Variants in NALF1 observed in about 807,000 individuals in gnomAD.
The protein encoded by NALF1 is NALCN channel auxiliary factor 1, also known as family with sequence similarity 155 member A.
In NALF1, 3 loss-of-function variants were observed where a neutral mutation model predicts 48.4. That is an observed-to-expected ratio of 0.06 (90% CI 0.03 to 0.16). NALF1 has a LOEUF of 0.16. Among genes scored for constraint, NALF1 ranks in the 10% least tolerant of loss-of-function variants. The pLI is 1.00. For missense variants in NALF1, 526 were observed against 571.5 expected, an observed-to-expected ratio of 0.92 and a Z score of 0.81; for synonymous variants, 262 against 245.7, an observed-to-expected ratio of 1.07 and a Z score of -0.62.
At chr13:107,408,072 T>C (rs1883930058) in intron 1 of NALF1, among the ~76,000 whole-genome samples, 1 of 151,906 alleles carries the variant, frequency 6.6e-6, no homozygotes, top group Admixed American at 6.6e-5. Flanking sequence ...ATTGAACTCA[T>C]GGAGATAGAC....
intron 1 of NALF1, among the ~76,000 whole-genome samples, chr13:107,851,991 G>A (rs963359131): frequency 2.0e-5 from 3 of 150,570 alleles, no homozygotes; most frequent in African/African-American, 4.9e-5. Context: ...TTTAATTTGG[G>A]GGGTGTCATT....
At chr13:107,625,902 G>A (rs1453975370) in intron 1 of NALF1, among the ~76,000 whole-genome samples, 22 of 151,986 alleles carry the variant, frequency 1.4e-4, no homozygotes, top group Admixed American at 1.2e-3. Context: ...TTTAGCACAC[G>A]AATGATACAT....
intron 1 of NALF1, among the ~76,000 whole-genome samples, chr13:107,454,618 T>C (rs1461932955): frequency 6.6e-6 from 1 of 152,150 alleles, no homozygotes; most frequent in Non-Finnish European, 1.5e-5. Context: ...TCTAACCATA[T>C]CACAGTTGTA....
At chr13:107,233,057 C>G (rs182894635) in intron 1 of NALF1, among the ~76,000 whole-genome samples, 17 of 152,326 alleles carry the variant, frequency 1.1e-4, no homozygotes, top group African/African-American at 3.8e-4. Flanking sequence ...TACTGCTTCT[C>G]TTTCTGGGAA....
intron 1 of NALF1, among the ~76,000 whole-genome samples, chr13:107,603,596 A>G (rs1299589450): frequency 6.6e-6 from 1 of 152,222 alleles, no homozygotes; most frequent in Non-Finnish European, 1.5e-5. Context: ...CCTTTTAATA[A>G]CAGATGAGTA....
chr13:107,303,816 TGA>T (rs1881883980), intron 1 of NALF1, among the ~76,000 whole-genome samples: 1 of 152,202 alleles, frequency 6.6e-6, no homozygotes. Context: ...TTTAGCAGAC[TGA>T]GTTTTTTTTT....
At chr13:107,677,859 C>T (rs1296717898) in intron 1 of NALF1, among the ~76,000 whole-genome samples, 1 of 152,176 alleles carries the variant, frequency 6.6e-6, no homozygotes. Flanking sequence ...TAGTAGAGAC[C>T]TGTAATTCAG....
chr13:107,671,382 TG>T (rs983295086), intron 1 of NALF1, among the ~76,000 whole-genome samples: 1 of 152,060 alleles, frequency 6.6e-6, no homozygotes, highest in African/African-American at 2.4e-5. Context: ...TATTCAAAGT[TG>T]GGGCTGGGAC....
At chr13:107,821,334 C>T (rs1044273848) in intron 1 of NALF1, among the ~76,000 whole-genome samples, 1 of 152,106 alleles carries the variant, frequency 6.6e-6, no homozygotes, top group Non-Finnish European at 1.5e-5. Context: ...GTAATGATTC[C>T]TACAGTTATA....
intron 1 of NALF1, among the ~76,000 whole-genome samples, chr13:107,492,407 AGATT>A (rs1430768851): frequency 1.3e-5 from 2 of 152,138 alleles, no homozygotes; most frequent in Non-Finnish European, 2.9e-5. Flanking sequence ...AAATGGTACC[AGATT>A]GATGGTCTAC....
chr13:107,245,989 A>C (rs971843878), intron 1 of NALF1, among the ~76,000 whole-genome samples: 2 of 152,014 alleles, frequency 1.3e-5, no homozygotes, highest in African/African-American at 4.8e-5. Flanking sequence ...CTTTCTCCAC[A>C]AATCAACTCA....
chr13:107,806,757 C>T (rs1594280902), intron 1 of NALF1, among the ~76,000 whole-genome samples: 1 of 152,128 alleles, frequency 6.6e-6, no homozygotes, highest in Non-Finnish European at 1.5e-5. Context: ...CAACCAACTA[C>T]AAGAAACGGA....
chr13:107,742,917 A>C (rs1409232143), intron 1 of NALF1, among the ~76,000 whole-genome samples: 3 of 152,212 alleles, frequency 2.0e-5, no homozygotes, highest in Non-Finnish European at 2.9e-5. Flanking sequence ...GTAGAGATAA[A>C]TCCTCAAGTC....
chr13:107,304,634 C>T (rs1359686308), intron 1 of NALF1, among the ~76,000 whole-genome samples: 2 of 152,044 alleles, frequency 1.3e-5, no homozygotes, highest in African/African-American at 4.8e-5. Context: ...TCTTAAAGTA[C>T]GTGAATAATA....
intron 1 of NALF1, among the ~76,000 whole-genome samples, chr13:107,257,323 T>C (rs561161624): frequency 6.6e-6 from 1 of 152,162 alleles, no homozygotes; most frequent in Non-Finnish European, 1.5e-5. Flanking sequence ...AATAAGACCG[T>C]TGTGACTACT....
chr13:107,712,845 T>C (rs530694104), intron 1 of NALF1, among the ~76,000 whole-genome samples: 5 of 152,282 alleles, frequency 3.3e-5, no homozygotes, highest in African/African-American at 1.2e-4. Flanking sequence ...TTCCCTAAAT[T>C]CAAAAGACTT....
intron 1 of NALF1, among the ~76,000 whole-genome samples, chr13:107,827,576 C>T (rs183895630): frequency 1.4e-3 from 220 of 152,300 alleles, no homozygotes; most frequent in African/African-American, 4.8e-3. Flanking sequence ...CCCACCTTCC[C>T]GGGTCAGCAG....
intron 1 of NALF1, among the ~76,000 whole-genome samples, chr13:107,406,230 T>C (rs539354480): frequency 6.6e-6 from 1 of 152,174 alleles, no homozygotes; most frequent in African/African-American, 2.4e-5. Flanking sequence ...GAATAAGTTC[T>C]TACTTAACAA....
intron 1 of NALF1, among the ~76,000 whole-genome samples, chr13:107,646,422 T>C (rs1880316713): frequency 6.6e-6 from 1 of 152,078 alleles, no homozygotes; most frequent in Non-Finnish European, 1.5e-5. Flanking sequence ...TTTTCGTCTT[T>C]TCTAAAATTG....
Sources: allele counts gnomAD v4.1 joint callset (sites outside exome capture counted in the v4.1 genomes callset), GRCh38; gene constraint gnomAD v4.1.1; transcripts MANE v1.5; gene names NCBI Gene and HGNC (gene_info 2026-07-23, HGNC 2026-07-21).